The following RAB18 variants were observed in gnomAD, a reference collection of about 807,000 sequenced individuals.
The protein encoded by RAB18 is ras-related protein Rab-18.
Under a neutral mutation model 28.5 loss-of-function variants are expected in RAB18, and 10 were observed. The observed-to-expected ratio is 0.35, with a 90% CI of 0.22 to 0.60. The LOEUF (loss-of-function observed/expected upper bound fraction) is 0.60, where lower values mean the gene tolerates loss of function less well. Among genes scored for constraint, RAB18 ranks in the 20% least tolerant of loss-of-function variants. RAB18 has a pLI of 0.78. For missense variants in RAB18, 188 were observed against 244.2 expected (o/e 0.77, Z 1.53); for synonymous variants, 93 against 86.9 (o/e 1.07, Z -0.39).
At chr10:27,534,093 TTAGAG>T (rs1834845339) in intron 6 of RAB18, 99 bp downstream of exon 6, 7 of 1,183,836 alleles carry the variant, frequency 5.9e-6, no homozygotes, top group African/African-American at 1.5e-5. Flanking sequence ...TAAAATGTGT[TTAGAG>T]TATTGTTCCT....
chr10:27,504,340 C>T lies in RAB18; in HGVS notation c.-30C>T, dbSNP rs752049338. The T allele has an allele frequency of 3.2e-6, 5 of 1,563,936 alleles. No individual in the cohort carries two copies. Among genetic ancestry groups the T allele is most frequent in the Admixed American group, 1.9e-5 (1 of 51,904 alleles). The stretch of plus-strand genomic sequence containing the variant: ...GGGCTGAGAGGCGCACCCGGGCGGC[C>T]AGCTGGGCTCGGAGCGGAACGGGGT... On this transcript the variant is annotated 5_prime_UTR_variant, in exon 1 of 7. Coordinates refer to ENST00000356940, the MANE Select transcript of RAB18 (RefSeq NM_021252.5).
In RAB18 at chr10:27,529,319, C is replaced by T. The variant is rs368215378; in HGVS notation, c.186+2430C>T. ...GTTGGATCAGCTATTTTCATCATGGCATTTGGGTGTAACGTATTTAGGAAG... is the reference window on the plus strand; with the variant it reads ...GTTGGATCAGCTATTTTCATCATGGTATTTGGGTGTAACGTATTTAGGAAG... On this transcript the variant is annotated intron_variant, in intron 3 of 6. Coordinates refer to ENST00000356940, the MANE Select transcript of RAB18 (RefSeq NM_021252.5). Among the ~76,000 whole-genome samples the T allele has an allele frequency of 4.6e-5, 7 of 151,974 alleles. No individual in the cohort carries two copies. The East Asian group carries it at 7.7e-4, about 17-fold the overall frequency.
intron 2 of RAB18, among the ~76,000 whole-genome samples, chr10:27,514,671 A>G (rs1834396036): frequency 6.6e-6 from 1 of 151,686 alleles, no homozygotes; most frequent in Non-Finnish European, 1.5e-5. Flanking sequence ...TAAGAAGGAA[A>G]CATAATGAAA....
chr10:27,534,411 A>G (rs1314039573), intron 6 of RAB18, among the ~76,000 whole-genome samples: 8 of 152,222 alleles, frequency 5.3e-5, no homozygotes, highest in African/African-American at 1.7e-4. Context: ...TATGCACATT[A>G]ATTTTTGAGA....
intron 2 of RAB18, among the ~76,000 whole-genome samples, chr10:27,521,324 C>A (rs980375386): frequency 5.9e-5 from 9 of 152,098 alleles, no homozygotes; most frequent in African/African-American, 2.2e-4. Context: ...GATAATATAT[C>A]TCAGTACACT....
chr10:27,525,555 T>C (rs572325842), intron 2 of RAB18, among the ~76,000 whole-genome samples: 2 of 152,264 alleles, frequency 1.3e-5, no homozygotes, highest in East Asian at 1.9e-4. Flanking sequence ...TTATTTAGCA[T>C]GTGGGATTTT....
Position 27,539,780 on chromosome 10 carries a change from T to C in RAB18, c.*1729T>C. 2 of 452,136 alleles carry C rather than the reference T, an allele frequency of 4.4e-6. No homozygotes were observed. The highest frequency in any genetic ancestry group is 3.1e-5 in the South Asian group (2 of 63,704). 28.0% of individuals were successfully genotyped at this position (452,136 alleles called of 1,614,324 possible). On this transcript the variant is annotated 3_prime_UTR_variant, in exon 7 of 7. Coordinates refer to ENST00000356940, the MANE Select transcript of RAB18 (RefSeq NM_021252.5). ...AAATGAATTTTGTTTGATAGATTTA[T>C]ATTGTAACCTTTTTCTAGTTCTTGA... is the stretch of plus-strand genomic sequence containing the variant.
chr10:27,531,469 C>T, intron 3 of RAB18: 1 of 1,519,684 alleles, frequency 6.6e-7, no homozygotes, highest in Non-Finnish European at 8.8e-7. Flanking sequence ...TCATTTACAG[C>T]AGTGGGACTG....
chr10:27,510,095 A>G, intron 2 of RAB18, 165 bp downstream of exon 2: 1 of 653,932 alleles, frequency 1.5e-6, no homozygotes, highest in Non-Finnish European at 2.7e-6. Context: ...AAATCTTTGA[A>G]GCCTTTCTAG....
intron 3 of RAB18, chr10:27,531,448 A>AT: frequency 6.8e-7 from 1 of 1,477,870 alleles, no homozygotes; most frequent in Non-Finnish European, 9.0e-7. Flanking sequence ...TGCTTGTCCC[A>AT]TAACAAACCC....
chr10:27,538,201 C>G lies in RAB18; in HGVS notation c.*150C>G. The stretch of plus-strand genomic sequence containing the variant: ...AATATTTGCAAGAAATCCCACTCAT[C>G]GACCCCGGGTAAAATGTTATGGTAA... On this transcript the variant is annotated 3_prime_UTR_variant, in exon 7 of 7. Transcript: ENST00000356940. 9.5e-7 allele frequency: 1 copy of G among 1,047,410 alleles called. No homozygotes were observed. Among genetic ancestry groups the G allele is most frequent in the Non-Finnish European group, 1.4e-6 (1 of 697,966 alleles). The allele number at this position is 1,047,410 out of a possible 1,614,324, so 64.9% of individuals were successfully genotyped here.
At chr10:27,519,115 G>A (rs991427995) in intron 2 of RAB18, among the ~76,000 whole-genome samples, 12 of 151,598 alleles carry the variant, frequency 7.9e-5, no homozygotes, top group African/African-American at 2.9e-4. Flanking sequence ...ACGAAGTGGG[G>A]TTTATCCCAC....
At chr10:27,510,357 G>T in intron 2 of RAB18, 3 of 224,204 alleles carry the variant, frequency 1.3e-5, no homozygotes, top group Non-Finnish European at 1.8e-5. Flanking sequence ...TGTATGTTCA[G>T]CATTTGCTAC....
In RAB18 at chr10:27,540,942, G is replaced by A. The variant is rs1564841484; in HGVS notation, c.*2891G>A. On this transcript the variant is annotated 3_prime_UTR_variant, in exon 7 of 7. Coordinates refer to ENST00000356940, the MANE Select transcript of RAB18 (RefSeq NM_021252.5). ...ACACCAGTACTTGTTCTGCCTGTGA[G>A]TTGGCACAGACTTACCTAATAACCA... 2 of 454,058 alleles carry A rather than the reference G, an allele frequency of 4.4e-6. No individual in the cohort carries two copies. The highest frequency in any genetic ancestry group is 8.8e-6 in the Non-Finnish European group (2 of 226,764). The allele number at this position is 454,058 out of a possible 1,614,324, so 28.1% of individuals were successfully genotyped here. A position where few individuals can be genotyped will look rare whatever the true frequency, so the allele number is the denominator to read the frequency against.
intron 2 of RAB18, among the ~76,000 whole-genome samples, chr10:27,516,552 C>T (rs538072987): frequency 6.7e-6 from 1 of 148,720 alleles, no homozygotes; most frequent in East Asian, 1.9e-4. Context: ...AGAGAGACTC[C>T]ATCTCAAAAA....
chr10:27,526,905 A>C lies in RAB18; in HGVS notation c.186+16A>C. 6.2e-7 allele frequency: 1 copy of C among 1,606,472 alleles called. No homozygotes were observed. The highest frequency in any genetic ancestry group is 8.5e-7 in the Non-Finnish European group (1 of 1,173,682). On this transcript the variant is annotated intron_variant, in intron 3 of 6. Coordinates refer to ENST00000356940, the MANE Select transcript of RAB18 (RefSeq NM_021252.5). ...TGCAATATGGGTAAGAGTTTTTAAA[A>C]TGTATTTTTAAAATATTAAACTTTA...
Position 27,539,292 on chromosome 10 carries a change from T to C in RAB18, c.*1241T>C, listed in dbSNP as rs1426907731. 6.6e-6 allele frequency: 2 copies of C among 302,938 alleles called. No individual in the cohort carries two copies. Among genetic ancestry groups the C allele is most frequent in the East Asian group, 9.0e-5 (1 of 11,158 alleles). The allele number at this position is 302,938 out of a possible 1,614,324, so 18.8% of individuals were successfully genotyped here. A position where few individuals can be genotyped will look rare whatever the true frequency, so the allele number is the denominator to read the frequency against. On this transcript the variant is annotated 3_prime_UTR_variant, in exon 7 of 7. Coordinates refer to ENST00000356940, the MANE Select transcript of RAB18 (RefSeq NM_021252.5). ...TGTCCTTTAAGGTTGGTTACTATAATACCCCTCAGTAAGATTCCAGTATTA... is the reference window on the plus strand; with the variant it reads ...TGTCCTTTAAGGTTGGTTACTATAACACCCCTCAGTAAGATTCCAGTATTA...
chr10:27,523,896 G>T (rs551361028), intron 2 of RAB18, among the ~76,000 whole-genome samples: 5 of 151,952 alleles, frequency 3.3e-5, no homozygotes, highest in Admixed American at 3.3e-4. Context: ...TGGCTAACAC[G>T]GTGAAACCTC....
In RAB18 at chr10:27,539,733, A is replaced by T. The variant is rs1303978040; in HGVS notation, c.*1682A>T. The T allele has an allele frequency of 8.9e-6, 4 of 451,684 alleles. No homozygotes were observed. In the East Asian group the frequency reaches 2.8e-4, roughly 31 times the overall value. The allele number at this position is 451,684 out of a possible 1,614,324, so 28.0% of individuals were successfully genotyped here. On this transcript the variant is annotated 3_prime_UTR_variant, in exon 7 of 7. Coordinates refer to ENST00000356940, the MANE Select transcript of RAB18 (RefSeq NM_021252.5). ...TGATTTGGTCTAAATTTGAATATAT[A>T]TGAGTTACTTGAATATAACAAAAAT...
Sources: allele counts gnomAD v4.1 joint callset (sites outside exome capture counted in the v4.1 genomes callset), GRCh38; gene constraint gnomAD v4.1.1; transcripts MANE v1.5; gene names NCBI Gene and HGNC (gene_info 2026-07-23, HGNC 2026-07-21).